The following SLC9A9 variants were observed in gnomAD, a reference collection of about 807,000 sequenced individuals.
The protein encoded by SLC9A9 is solute carrier family 9 member A9, also known as sodium/hydrogen exchanger 9.
A neutral mutation model predicts 77.8 loss-of-function variants in SLC9A9; 62 were observed. That is an observed-to-expected ratio of 0.80 (90% CI 0.65 to 0.98). The LOEUF is 0.98. SLC9A9 is among the 50% of genes least tolerant of loss of function. SLC9A9 has a pLI of 0.00. For missense variants in SLC9A9, 775 were observed against 774.9 expected, an observed-to-expected ratio of 1.00 and a Z score of 0.00; for synonymous variants, 320 against 283.5, an observed-to-expected ratio of 1.13 and a Z score of -1.29.
intron 5 of SLC9A9, among the ~76,000 whole-genome samples, chr3:143,683,225 T>A (rs1933158673): frequency 6.6e-6 from 1 of 152,168 alleles, no homozygotes; most frequent in Admixed American, 6.6e-5. Context: ...ACTTCTAATA[T>A]GATGCAACGT....
intron 6 of SLC9A9, among the ~76,000 whole-genome samples, chr3:143,584,661 A>G (rs942588379): frequency 1.3e-5 from 2 of 152,236 alleles, no homozygotes; most frequent in Non-Finnish European, 2.9e-5. Flanking sequence ...ATTAGTTGGA[A>G]CATACATAAA....
chr3:143,834,213 G>T (rs757614883), intron 1 of SLC9A9, among the ~76,000 whole-genome samples: 11 of 152,180 alleles, frequency 7.2e-5, no homozygotes, highest in Non-Finnish European at 1.3e-4. Flanking sequence ...GGGAGCAAGA[G>T]AAAATAAGTT....
chr3:143,305,017 C>T (rs997946400), intron 14 of SLC9A9, among the ~76,000 whole-genome samples: 4 of 152,084 alleles, frequency 2.6e-5, no homozygotes, highest in African/African-American at 7.2e-5. Flanking sequence ...TGAACGTGAA[C>T]CAGATATCAA....
chr3:143,698,956 C>T (rs2108787044), intron 4 of SLC9A9, among the ~76,000 whole-genome samples: 1 of 152,362 alleles, frequency 6.6e-6, no homozygotes, highest in South Asian at 2.1e-4. Context: ...TTATGATCTA[C>T]ATCTAAATTT....
chr3:143,719,853 G>A (rs924256206), intron 4 of SLC9A9, among the ~76,000 whole-genome samples: 1 of 152,032 alleles, frequency 6.6e-6, no homozygotes, highest in Non-Finnish European at 1.5e-5. Context: ...TTGTGAAGAG[G>A]CCTGCAATCA....
chr3:143,792,594 C>T (rs1189813939), intron 4 of SLC9A9, among the ~76,000 whole-genome samples: 1 of 152,088 alleles, frequency 6.6e-6, no homozygotes, highest in Non-Finnish European at 1.5e-5. Context: ...AGAACACATG[C>T]CCTGTTGGTT....
chr3:143,510,483 G>A (rs1223092980), intron 9 of SLC9A9, among the ~76,000 whole-genome samples: 2 of 152,116 alleles, frequency 1.3e-5, no homozygotes, highest in Non-Finnish European at 2.9e-5. Flanking sequence ...AGCTGGTTCC[G>A]ATCCTGTGTT....
At chr3:143,588,131 G>A (rs867523827) in intron 6 of SLC9A9, among the ~76,000 whole-genome samples, 21 of 152,316 alleles carry the variant, frequency 1.4e-4, no homozygotes, top group Middle Eastern at 3.4e-3. Context: ...TGAATTCTCT[G>A]TAGTTGGAGA....
At chr3:143,385,240 C>G (rs2033397286) in intron 12 of SLC9A9, among the ~76,000 whole-genome samples, 1 of 152,068 alleles carries the variant, frequency 6.6e-6, no homozygotes, top group Non-Finnish European at 1.5e-5. Context: ...ACCCCCACCC[C>G]TTTAATTTAC....
intron 8 of SLC9A9, among the ~76,000 whole-genome samples, chr3:143,572,149 G>A (rs77683496): frequency 1.4e-3 from 207 of 152,246 alleles, no homozygotes; most frequent in Middle Eastern, 6.8e-3. Context: ...AGGTTGAAAG[G>A]GTGTGAAAGA....
At chr3:143,569,221 A>G (rs1054452686) in intron 8 of SLC9A9, among the ~76,000 whole-genome samples, 4 of 151,684 alleles carry the variant, frequency 2.6e-5, no homozygotes, top group Non-Finnish European at 4.4e-5. Flanking sequence ...ATAGCAAAGG[A>G]ACTTTTGAAT....
intron 4 of SLC9A9, among the ~76,000 whole-genome samples, chr3:143,730,076 T>C (rs749655246): frequency 4.6e-5 from 7 of 152,168 alleles, no homozygotes; most frequent in Non-Finnish European, 1.0e-4. Flanking sequence ...GTTGTTTAAA[T>C]AAACACTTGA....
chr3:143,510,302 G>A (rs927850480), intron 9 of SLC9A9, among the ~76,000 whole-genome samples: 1 of 152,086 alleles, frequency 6.6e-6, no homozygotes, highest in Non-Finnish European at 1.5e-5. Flanking sequence ...TATTTGTGGT[G>A]TACTTTGTGA....
chr3:143,806,516 A>G (rs1576740773), intron 2 of SLC9A9, among the ~76,000 whole-genome samples: 1 of 151,562 alleles, frequency 6.6e-6, no homozygotes, highest in East Asian at 1.9e-4. Flanking sequence ...GCTCAACTGG[A>G]AAAAAAAACT....
chr3:143,502,072 A>G (rs1358666494), intron 9 of SLC9A9, among the ~76,000 whole-genome samples: 2 of 151,142 alleles, frequency 1.3e-5, no homozygotes, highest in South Asian at 4.1e-4. Context: ...AAACTAGTCA[A>G]TTCAGTGTTC....
chr3:143,806,412 A>G (rs1036264883), intron 2 of SLC9A9, among the ~76,000 whole-genome samples: 2 of 151,898 alleles, frequency 1.3e-5, no homozygotes, highest in African/African-American at 2.4e-5. Context: ...TGTTTCTCCT[A>G]TTAAATTGGG....
intron 14 of SLC9A9, among the ~76,000 whole-genome samples, chr3:143,274,853 C>T (rs888474006): frequency 1.3e-5 from 2 of 152,174 alleles, no homozygotes; most frequent in Admixed American, 6.5e-5. Flanking sequence ...TTCTGACCTC[C>T]CATTTACAAA....
chr3:143,678,124 C>G (rs983740923), intron 5 of SLC9A9, among the ~76,000 whole-genome samples: 2 of 152,214 alleles, frequency 1.3e-5, no homozygotes, highest in African/African-American at 4.8e-5. Flanking sequence ...CCGCGCCCAG[C>G]CTGCCTCTTC....
chr3:143,382,139 T>C lies in SLC9A9; in HGVS notation c.1470-25A>G, dbSNP rs2033320169. 3.1e-6 allele frequency: 5 copies of C among 1,613,702 alleles called. No individual in the cohort carries two copies. The South Asian group carries it at 5.5e-5, about 18-fold the overall frequency. The stretch of plus-strand genomic sequence containing the variant: ...TCTGTTAAACAAAACCAAAAACTGG[T>C]CAATCCCCTGCTGCAGAAGGAATGA... On this transcript the variant is annotated intron_variant, in intron 12 of 15. Transcript: ENST00000316549.
Sources: gnomAD v4.1 joint callset for allele counts (sites outside exome capture counted in the v4.1 genomes callset) on GRCh38, gnomAD v4.1.1 for gene constraint, MANE v1.5 for transcripts, NCBI Gene and HGNC (gene_info 2026-07-23, HGNC 2026-07-21) for gene names.